Variants in AATK observed in about 807,000 individuals in gnomAD.
AATK encodes the protein lemur tail kinase 1.
In AATK, 91 loss-of-function variants were observed where a neutral mutation model predicts 114.3. The observed-to-expected ratio is 0.80, with a 90% CI of 0.67 to 0.95. The LOEUF (loss-of-function observed/expected upper bound fraction) is 0.95, where lower values mean the gene tolerates loss of function less well. Among genes scored for constraint, AATK ranks in the 40% least tolerant of loss-of-function variants. AATK has a pLI of 0.00. For synonymous variants in AATK, 1,075 were observed against 916.5 expected (o/e 1.17, Z -3.12); for missense variants, 2,176 against 1,965.2 (o/e 1.11, Z -2.03).
chr17:81,137,604 C>T (rs900458897), intron 1 of AATK, among the ~76,000 whole-genome samples: 2 of 152,122 alleles, frequency 1.3e-5, no homozygotes, highest in African/African-American at 4.8e-5. Context: ...CCCCAGATGC[C>T]AAGGGCCAGG....
intron 1 of AATK, among the ~76,000 whole-genome samples, chr17:81,144,020 C>T (rs1374425472): frequency 1.3e-5 from 2 of 152,202 alleles, no homozygotes; most frequent in Non-Finnish European, 2.9e-5. Context: ...CCTGCAGGGA[C>T]GGGTGGCCAG....
intron 2 of AATK, among the ~76,000 whole-genome samples, chr17:81,132,407 G>A (rs1169589411): frequency 2.0e-5 from 3 of 152,218 alleles, no homozygotes; most frequent in Non-Finnish European, 4.4e-5. Context: ...GGGGCAGGTG[G>A]CTCTGTCGGT....
At chr17:81,159,327 G>C (rs992101980) in intron 1 of AATK, among the ~76,000 whole-genome samples, 5 of 152,160 alleles carry the variant, frequency 3.3e-5, no homozygotes, top group African/African-American at 1.2e-4. Context: ...GCAGCTGGGA[G>C]GGCGCCGGCG....
Position 81,121,781 on chromosome 17 carries a change from G to A in AATK, c.2155C>T (p.Pro719Ser). 1 of 1,552,236 alleles carries A rather than the reference G, an allele frequency of 6.4e-7. No homozygotes were observed. The change falls in exon 11 of 14, where the codon CCC becomes TCC. Residue 719 changes from proline to serine, a missense_variant. Pro to Ser is a moderately conservative substitution (Grantham distance 74). Coordinates refer to ENST00000326724, the MANE Select transcript of AATK (RefSeq NM_001080395.3). ...PSPKQTPRAS[P>S]EPGYPGEPLL... ...GGCTCTCCAGGGTACCCCGGCTCGG[G>A]GGAGGCCCGTGGGGTCTGCTTTGGA...
chr17:81,166,071 T>G lies in AATK; in HGVS notation c.-79A>C. On this transcript the variant is annotated 5_prime_UTR_variant, in exon 1 of 14. An upstream start codon of the reference 5' UTR is lost. Transcript: ENST00000326724. ...CGCGGCCCCGGCCCGAGCCGCCGCATCACCCAGCGGCCGCCGCAGGTGCGG... is the reference window on the plus strand; with the variant it reads ...CGCGGCCCCGGCCCGAGCCGCCGCAGCACCCAGCGGCCGCCGCAGGTGCGG... 9.6e-7 allele frequency: 1 copy of G among 1,040,092 alleles called. No homozygotes were observed. Among genetic ancestry groups the G allele is most frequent in the Non-Finnish European group, 1.2e-6 (1 of 834,734 alleles). 64.4% of individuals were successfully genotyped at this position (1,040,092 alleles called of 1,614,324 possible). A position where few individuals can be genotyped will look rare whatever the true frequency, so the allele number is the denominator to read the frequency against.
chr17:81,119,147 AGGGTCAGGTGAGGGTCAGG>A (rs2060631326), intron 13 of AATK, among the ~76,000 whole-genome samples: 2 of 15,960 alleles, frequency 1.3e-4, no homozygotes, highest in Admixed American at 2.0e-3. Flanking sequence ...GGGCCAGGTG[AGGGTCAGGTGAGGGTCAGG>A]TGAGGGTCAG....
In AATK at chr17:81,127,720, G is replaced by T; in HGVS notation, c.534-50C>A. 5.2e-6 allele frequency: 8 copies of T among 1,523,922 alleles called. 1 individual carries two copies. The highest frequency in any genetic ancestry group is 7.1e-6 in the Non-Finnish European group (8 of 1,123,204). 94.4% of individuals were successfully genotyped at this position (1,523,922 alleles called of 1,614,324 possible). ...TGACTTGGGAGGAGGTGGGGAGGGG[G>T]AGTCGGGCCGAGCAGGGGAGGGAGA... On this transcript the variant is annotated intron_variant, in intron 5 of 13. Transcript: ENST00000326724.
chr17:81,155,445 T>TG (rs1199538843), intron 1 of AATK, among the ~76,000 whole-genome samples: 2 of 152,026 alleles, frequency 1.3e-5, no homozygotes, highest in Non-Finnish European at 2.9e-5. Flanking sequence ...TGGAGTGCAG[T>TG]GCGTGATCTT....
At position 81,166,004 on chromosome 17, in the gene AATK, C is replaced by A. The variant is rs1327342674; in HGVS notation, c.-12G>T. The A allele has an allele frequency of 6.4e-7, 1 of 1,555,926 alleles. No homozygotes were observed. Among genetic ancestry groups the A allele is most frequent in the Non-Finnish European group, 8.7e-7 (1 of 1,153,572 alleles). ...AAGGACGACGACATGGCCGGGCCAG[C>A]GGCCGGCGGGCATCCCGGGAGGGCG... is the stretch of plus-strand genomic sequence containing the variant. On this transcript the variant is annotated 5_prime_UTR_variant, in exon 1 of 14. Coordinates refer to ENST00000326724, the MANE Select transcript of AATK (RefSeq NM_001080395.3).
intron 1 of AATK, among the ~76,000 whole-genome samples, chr17:81,151,997 G>A (rs1303572421): frequency 2.0e-5 from 3 of 152,228 alleles, no homozygotes; most frequent in Non-Finnish European, 4.4e-5. Flanking sequence ...CCTTTGGGGC[G>A]GGCACAGTGG....
intron 1 of AATK, among the ~76,000 whole-genome samples, chr17:81,140,457 C>T (rs553154316): frequency 1.3e-5 from 2 of 152,350 alleles, no homozygotes; most frequent in East Asian, 1.9e-4. Flanking sequence ...GTCCACCTCC[C>T]GATCCTCGAA....
chr17:81,149,897 G>A (rs190103367), intron 1 of AATK, among the ~76,000 whole-genome samples: 167 of 152,260 alleles, frequency 1.1e-3, no homozygotes, highest in Non-Finnish European at 1.9e-3. Flanking sequence ...CCTCTGGTCC[G>A]ACAGCTCAAG....
chr17:81,118,500 C>T lies in AATK; in HGVS notation c.4085-58G>A. 7 of 1,561,792 alleles carry T rather than the reference C, an allele frequency of 4.5e-6. No individual in the cohort carries two copies. In the South Asian group the frequency reaches 8.2e-5, roughly 18 times the overall value. On this transcript the variant is annotated intron_variant, in intron 13 of 13. Transcript: ENST00000326724. Reference sequence around the variant, plus strand: ...TTCTGAGACACCAGGGCTGCCTCCCCCGCAACTCCCACCTGGCCTCCATCC... The same window carrying T: ...TTCTGAGACACCAGGGCTGCCTCCCTCGCAACTCCCACCTGGCCTCCATCC...
At position 81,120,471 on chromosome 17, in the gene AATK, C is replaced by T. The variant is rs772677815; in HGVS notation, c.3465G>A (p.Glu1155=). 6.5e-7 allele frequency: 1 copy of T among 1,532,460 alleles called. No homozygotes were observed. The highest frequency in any genetic ancestry group is 8.8e-7 in the Non-Finnish European group (1 of 1,135,776). 94.9% of individuals were successfully genotyped at this position (1,532,460 alleles called of 1,614,324 possible). A position where few individuals can be genotyped will look rare whatever the true frequency, so the allele number is the denominator to read the frequency against. The part of the protein sequence containing the change: ...LALPGLPAAL[E]GRPEEEEEDS... ...CCTCCTCCTCCTCCTCCGGCCGGCC[C>T]TCCAAGGCCGCAGGGAGGCCGGGCA... The change falls in exon 11 of 14, where the codon GAG becomes GAA. Residue 1155 remains glutamate (E), a synonymous_variant. Transcript: ENST00000326724.
In AATK at chr17:81,121,887, T is replaced by C. The variant is rs778797422; in HGVS notation, c.2049A>G (p.Ser683=). The C allele has an allele frequency of 3.1e-6, 5 of 1,600,260 alleles. No individual in the cohort carries two copies. In the Admixed American group the frequency reaches 6.7e-5, roughly 21 times the overall value. Residue 683 remains serine, a synonymous_variant, in exon 11 of 14, where the codon TCA becomes TCG. Coordinates refer to ENST00000326724, the MANE Select transcript of AATK (RefSeq NM_001080395.3). ...AGCGGCTGCCGCTGTTGTTGTTGGC[T>C]GACACGTTGGAGCGCCAGTGCCCGC... ...AQRGHWRSNV[S]ANNNSGSRCP...
intron 1 of AATK, among the ~76,000 whole-genome samples, chr17:81,149,047 C>T (rs1470602707): frequency 1.3e-5 from 2 of 152,206 alleles, no homozygotes; most frequent in Non-Finnish European, 2.9e-5. Context: ...AGCACCCTGG[C>T]CGAGCTCTGG....
At position 81,117,431 on chromosome 17, in the gene AATK, A is replaced by ATAACT. The variant is rs2060577913; in HGVS notation, c.*966_*970dup. ...TAAACTTTACATCTCTTTGGCAACAATAACTTAAAATCACCCAACTTCCAT... is the reference window on the plus strand; with the variant it reads ...TAAACTTTACATCTCTTTGGCAACAATAACTTAACTTAAAATCACCCAACTTCCAT... On this transcript the variant is annotated 3_prime_UTR_variant, in exon 14 of 14. Transcript: ENST00000326724. The ATAACT allele has an allele frequency of 6.6e-6, 1 of 152,310 alleles. No individual in the cohort carries two copies. The highest frequency in any genetic ancestry group is 6.5e-5 in the Admixed American group (1 of 15,276). The allele number at this position is 152,310 out of a possible 1,614,324, so 9.4% of individuals were successfully genotyped here. A position where few individuals can be genotyped will look rare whatever the true frequency, so the allele number is the denominator to read the frequency against.
chr17:81,120,364 GCCT>G lies in AATK; in HGVS notation c.3569_3571del (p.Glu1190del), dbSNP rs1568217852. 1.2e-6 allele frequency: 2 copies of G among 1,609,554 alleles called. No homozygotes were observed. Among genetic ancestry groups the G allele is most frequent in the Non-Finnish European group, 1.7e-6 (2 of 1,178,900 alleles). Reference sequence around the variant, plus strand: ...AGCCACCACCACGGGCACCGCCGGCGCCTCCTCTTCGCTGTCCTCGCTAGGCTC... The same window carrying G: ...AGCCACCACCACGGGCACCGCCGGCGCCTCTTCGCTGTCCTCGCTAGGCTC... On this transcript the variant is annotated inframe_deletion, in exon 11 of 14. Coordinates refer to ENST00000326724, the MANE Select transcript of AATK (RefSeq NM_001080395.3).
chr17:81,142,718 C>T (rs573359389), intron 1 of AATK, among the ~76,000 whole-genome samples: 79 of 152,250 alleles, frequency 5.2e-4, no homozygotes, highest in African/African-American at 1.9e-3. Flanking sequence ...TCAGTCCCAC[C>T]CTCCTGGGAG....
Sources: gnomAD v4.1 joint callset for allele counts (sites outside exome capture counted in the v4.1 genomes callset) on GRCh38, gnomAD v4.1.1 for gene constraint, MANE v1.5 for transcripts, NCBI Gene and HGNC (gene_info 2026-07-23, HGNC 2026-07-21) for gene names.